The following MKLN1 variants were observed in gnomAD, a reference collection of about 807,000 sequenced individuals.
MKLN1 encodes muskelin 1, also known as muskelin.
In MKLN1, 18 loss-of-function variants were observed where a neutral mutation model predicts 99.0. That is an observed-to-expected ratio of 0.18 (90% confidence interval 0.13 to 0.27). The LOEUF is 0.27. Among genes scored for constraint, MKLN1 ranks in the 10% least tolerant of loss-of-function variants. MKLN1 has a pLI of 1.00. For missense variants in MKLN1, 621 were observed against 875.9 expected (o/e 0.71, Z 3.67); for synonymous variants, 288 against 293.2 (o/e 0.98, Z 0.18).
At chr7:131,116,827 A>G (rs944563389) in intron 1 of MKLN1, among the ~76,000 whole-genome samples, 3 of 152,146 alleles carry the variant, frequency 2.0e-5, no homozygotes, top group Non-Finnish European at 4.4e-5. Flanking sequence ...TTTACTGTCA[A>G]GTTGACAAAA....
chr7:131,227,230 A>G (rs1797160770), intron 3 of MKLN1, among the ~76,000 whole-genome samples: 1 of 152,112 alleles, frequency 6.6e-6, no homozygotes, highest in South Asian at 2.1e-4. Context: ...GGTTCTATGA[A>G]ACCTTCCTTG....
chr7:131,192,761 C>T (rs1374366119), intron 2 of MKLN1, among the ~76,000 whole-genome samples: 4 of 151,684 alleles, frequency 2.6e-5, no homozygotes, highest in African/African-American at 4.8e-5. Context: ...AGGCTGGTCT[C>T]GAACTCCTGA....
rs1307698106 is a variant in MKLN1, at chr7:131,331,892, TTCTTA to T, written c.98+3900_98+3904del. Among the ~76,000 whole-genome samples, 5 of 152,346 alleles carry T rather than the reference TTCTTA, an allele frequency of 3.3e-5. No homozygotes were observed. The East Asian group carries it at 5.8e-4, about 18-fold the overall frequency. ...AGGTAATTTCATTGGTATAGAATGA[TTCTTA>T]TCTTGTTTACATATTATTGAATGAC... On this transcript the variant is annotated intron_variant, in intron 1 of 17. Coordinates refer to ENST00000352689, the MANE Select transcript of MKLN1 (RefSeq NM_013255.5).
intron 9 of MKLN1, among the ~76,000 whole-genome samples, chr7:131,430,645 A>G (rs1180708562): frequency 6.6e-6 from 1 of 152,206 alleles, no homozygotes; most frequent in Non-Finnish European, 1.5e-5. Flanking sequence ...CAGGTCATCC[A>G]ATACCACATT....
At chr7:131,274,875 C>T (rs549632049) in intron 3 of MKLN1, among the ~76,000 whole-genome samples, 1 of 152,252 alleles carries the variant, frequency 6.6e-6, no homozygotes, top group South Asian at 2.1e-4. Context: ...AATAAACTAA[C>T]ATTTGTAAAG....
chr7:131,117,888 C>G (rs1043901362), intron 1 of MKLN1, among the ~76,000 whole-genome samples: 1 of 152,126 alleles, frequency 6.6e-6, no homozygotes, highest in African/African-American at 2.4e-5. Context: ...ACTTCTCTCC[C>G]AAGATCAGGT....
intron 2 of MKLN1, among the ~76,000 whole-genome samples, chr7:131,160,187 T>C (rs907300875): frequency 6.6e-6 from 1 of 152,226 alleles, no homozygotes; most frequent in Non-Finnish European, 1.5e-5. Context: ...TGGCCTTTTG[T>C]GACTGGCTTC....
At chr7:131,353,299 T>A (rs1019324183) in intron 1 of MKLN1, among the ~76,000 whole-genome samples, 2 of 152,142 alleles carry the variant, frequency 1.3e-5, no homozygotes, top group Non-Finnish European at 2.9e-5. Flanking sequence ...CTTTTAGCTA[T>A]TATGATAGGC....
At chr7:131,324,273 T>C (rs1468162635), upstream of MKLN1, 1 of 151,872 alleles carries the variant, frequency 6.6e-6, no homozygotes, top group African/African-American at 2.4e-5. Context: ...GAGTAGGAGG[T>C]CCAAATTCCG....
chr7:131,270,565 A>C (rs187287307), intron 3 of MKLN1, among the ~76,000 whole-genome samples: 7 of 152,296 alleles, frequency 4.6e-5, no homozygotes, highest in Non-Finnish European at 8.8e-5. Flanking sequence ...TTCCTATTAT[A>C]ATCCAAGTTA....
chr7:131,151,970 C>G (rs1795894719), intron 2 of MKLN1, among the ~76,000 whole-genome samples: 1 of 152,154 alleles, frequency 6.6e-6, no homozygotes. Flanking sequence ...ATATCCCATT[C>G]CTCTCCCCAT....
At chr7:131,344,277 GAGAA>G (rs1799490759) in intron 1 of MKLN1, among the ~76,000 whole-genome samples, 1 of 152,092 alleles carries the variant, frequency 6.6e-6, no homozygotes. Flanking sequence ...AGAAAAAATA[GAGAA>G]TTGTTGTGTT....
intron 3 of MKLN1, among the ~76,000 whole-genome samples, chr7:131,274,694 C>T (rs901870791): frequency 2.0e-5 from 3 of 151,306 alleles, no homozygotes; most frequent in Non-Finnish European, 4.4e-5. Flanking sequence ...GCCTCAGTCC[C>T]TGATGAGTGT....
At chr7:131,248,747 A>G (rs1010559336) in intron 3 of MKLN1, among the ~76,000 whole-genome samples, 6 of 152,180 alleles carry the variant, frequency 3.9e-5, no homozygotes, top group Non-Finnish European at 5.9e-5. Context: ...CTGATTTAGG[A>G]AAAAGTGGAT....
At chr7:131,185,634 T>C (rs1796439206) in intron 2 of MKLN1, among the ~76,000 whole-genome samples, 1 of 152,088 alleles carries the variant, frequency 6.6e-6, no homozygotes, top group South Asian at 2.1e-4. Context: ...GGATTTATGC[T>C]GAGTCACTCA....
At chr7:131,464,149 A>T (rs1019698446) in intron 13 of MKLN1, 145 bp from the exon 14 acceptor site, 12 of 485,958 alleles carry the variant, frequency 2.5e-5, no homozygotes, top group Non-Finnish European at 4.1e-5. Context: ...CGATTGTTTT[A>T]TGAATAACTA....
intron 16 of MKLN1, among the ~76,000 whole-genome samples, chr7:131,478,216 C>T (rs998684313): frequency 6.6e-6 from 1 of 152,088 alleles, no homozygotes; most frequent in African/African-American, 2.4e-5. Context: ...TTTACAGTGG[C>T]TTACGTTTAT....
At chr7:131,152,932 T>G (rs1230824224) in intron 2 of MKLN1, among the ~76,000 whole-genome samples, 1 of 152,002 alleles carries the variant, frequency 6.6e-6, no homozygotes, top group East Asian at 1.9e-4. Context: ...TTGTTTGTCC[T>G]GTAGAACTTC....
At chr7:131,418,182 A>G (rs1795079470) in intron 8 of MKLN1, among the ~76,000 whole-genome samples, 1 of 152,032 alleles carries the variant, frequency 6.6e-6, no homozygotes, top group African/African-American at 2.4e-5. Flanking sequence ...CAGCCTGGCC[A>G]ACATGGTAAA....
Sources: gnomAD v4.1 joint callset for allele counts (sites outside exome capture counted in the v4.1 genomes callset) on GRCh38, gnomAD v4.1.1 for gene constraint, MANE v1.5 for transcripts, NCBI Gene and HGNC (gene_info 2026-07-23, HGNC 2026-07-21) for gene names.